The following GPR137C variants were observed in gnomAD, a reference collection of about 807,000 sequenced individuals.
The protein encoded by GPR137C is G protein-coupled receptor 137C, also known as integral membrane protein GPR137C.
A neutral mutation model predicts 43.4 loss-of-function variants in GPR137C; 27 were observed. The observed-to-expected ratio is 0.62, with a 90% confidence interval of 0.46 to 0.86. The LOEUF (loss-of-function observed/expected upper bound fraction) is 0.86, where lower values mean the gene tolerates loss of function less well. Ranked by LOEUF, GPR137C falls within the 40% of genes least tolerant of loss-of-function variation. The probability of loss-of-function intolerance (pLI) is 0.00; values close to 1 mark genes in which losing one functional copy is unlikely to be tolerated. For synonymous variants in GPR137C, 285 were observed against 226.9 expected (o/e 1.26, Z -2.30); for missense variants, 522 against 534.6 (o/e 0.98, Z 0.23).
chr14:52,630,640 A>G (rs1014390715), intron 3 of GPR137C, among the ~76,000 whole-genome samples: 4 of 152,010 alleles, frequency 2.6e-5, no homozygotes, highest in South Asian at 4.1e-4. Context: ...CTTTCTTTTC[A>G]TATACCTCTA....
chr14:52,577,558 A>T (rs956018673), intron 1 of GPR137C, among the ~76,000 whole-genome samples: 47 of 149,266 alleles, frequency 3.1e-4, no homozygotes, highest in African/African-American at 1.1e-3. Context: ...TGAAATGAAA[A>T]GTTGATTCTT....
Position 52,563,647 on chromosome 14 carries a change from A to C in GPR137C, c.444+10056A>C, listed in dbSNP as rs538557766. On this transcript the variant is annotated intron_variant, in intron 1 of 6. Transcript: ENST00000321662. Reference sequence around the variant, plus strand: ...TTACAGAGCAAGATCCCAACTCAAAAACACACACACACACAACTTGGTTCT... The same window carrying C: ...TTACAGAGCAAGATCCCAACTCAAACACACACACACACACAACTTGGTTCT... Among the ~76,000 whole-genome samples, 23 of 151,958 alleles carry C rather than the reference A, an allele frequency of 1.5e-4. No homozygotes were observed. In the South Asian group the frequency reaches 2.7e-3, roughly 18 times the overall value.
intron 1 of GPR137C, among the ~76,000 whole-genome samples, chr14:52,559,380 C>G (rs774367022): frequency 6.6e-6 from 1 of 150,766 alleles, no homozygotes; most frequent in Non-Finnish European, 1.5e-5. Context: ...GACTCCATCT[C>G]AAAAACAAAA....
intron 3 of GPR137C, among the ~76,000 whole-genome samples, chr14:52,602,266 A>C (rs919326933): frequency 6.6e-6 from 1 of 151,800 alleles, no homozygotes; most frequent in African/African-American, 2.4e-5. Flanking sequence ...TCAATCAACA[A>C]GTGTTTATTG....
intron 1 of GPR137C, among the ~76,000 whole-genome samples, chr14:52,597,598 C>T (rs1044861367): frequency 1.3e-5 from 2 of 152,178 alleles, no homozygotes; most frequent in African/African-American, 4.8e-5. Context: ...TGTATAAAAA[C>T]TTTCAATATC....
intron 1 of GPR137C, among the ~76,000 whole-genome samples, chr14:52,574,119 T>C (rs1291722239): frequency 2.0e-5 from 3 of 151,872 alleles, no homozygotes; most frequent in African/African-American, 7.2e-5. Flanking sequence ...ACACTGTTGG[T>C]GGGAGTGTAA....
intron 3 of GPR137C, among the ~76,000 whole-genome samples, chr14:52,614,717 T>A: frequency 6.6e-6 from 1 of 152,022 alleles, no homozygotes. Flanking sequence ...GAACTCTTGG[T>A]CTTAAGCTAT....
intron 3 of GPR137C, among the ~76,000 whole-genome samples, chr14:52,602,845 G>C (rs970576217): frequency 5.9e-5 from 9 of 151,968 alleles, no homozygotes; most frequent in Non-Finnish European, 1.3e-4. Context: ...GTCATATTTA[G>C]TTGTACATAT....
intron 2 of GPR137C, among the ~76,000 whole-genome samples, chr14:52,599,469 T>C (rs1594797496): frequency 6.6e-6 from 1 of 150,926 alleles, no homozygotes; most frequent in South Asian, 2.1e-4. Flanking sequence ...AGTCTCGCAG[T>C]CTCACCCAGG....
At chr14:52,559,385 A>G (rs2038244719) in intron 1 of GPR137C, among the ~76,000 whole-genome samples, 1 of 151,140 alleles carries the variant, frequency 6.6e-6, no homozygotes, top group South Asian at 2.1e-4. Context: ...CATCTCAAAA[A>G]CAAAAACAAA....
chr14:52,568,510 G>GTGGATCCCATTCCCA (rs1255776704), intron 1 of GPR137C, among the ~76,000 whole-genome samples: 4 of 152,140 alleles, frequency 2.6e-5, no homozygotes, highest in Non-Finnish European at 5.9e-5. Flanking sequence ...GTGTAGCTCA[G>GTGGATCCCATTCCCA]TGGATCCCAC....
At chr14:52,630,011 T>C (rs1000915922) in intron 3 of GPR137C, among the ~76,000 whole-genome samples, 10 of 152,206 alleles carry the variant, frequency 6.6e-5, no homozygotes, top group African/African-American at 2.2e-4. Flanking sequence ...TCTGACTCTA[T>C]TTTAGGAAGG....
At chr14:52,623,195 A>T (rs566425345) in intron 3 of GPR137C, among the ~76,000 whole-genome samples, 30 of 152,004 alleles carry the variant, frequency 2.0e-4, no homozygotes, top group Middle Eastern at 3.4e-3. Flanking sequence ...ACATTCATTC[A>T]TTTGTAAGAC....
intron 1 of GPR137C, among the ~76,000 whole-genome samples, chr14:52,591,708 G>A (rs2038787014): frequency 6.6e-6 from 1 of 152,076 alleles, no homozygotes; most frequent in Non-Finnish European, 1.5e-5. Flanking sequence ...TAAGTTCTTT[G>A]TAGATTCTGG....
chr14:52,568,340 C>T (rs149391219), intron 1 of GPR137C, among the ~76,000 whole-genome samples: 1,546 of 152,272 alleles, frequency 0.01, 26 homozygotes, highest in African/African-American at 0.035. Flanking sequence ...GTGCCAACAC[C>T]ACCAGGGCCC....
In GPR137C at chr14:52,621,624, C is replaced by A. The variant is rs369968134; in HGVS notation, c.718-10536C>A. ...TTCTCTGTGTATTATATATAACAACCATAGCATAAAGGAGAGGTTGTAAAT... is the reference window on the plus strand; with the variant it reads ...TTCTCTGTGTATTATATATAACAACAATAGCATAAAGGAGAGGTTGTAAAT... On this transcript the variant is annotated intron_variant, in intron 3 of 6. Coordinates refer to ENST00000321662, the MANE Select transcript of GPR137C (RefSeq NM_001099652.2). Among the ~76,000 whole-genome samples the A allele has an allele frequency of 1.9e-4, 29 of 151,662 alleles. No individual in the cohort carries two copies. The East Asian group carries it at 4.6e-3, about 24-fold the overall frequency.
intron 1 of GPR137C, among the ~76,000 whole-genome samples, chr14:52,597,554 G>A (rs937562593): frequency 6.6e-6 from 1 of 152,264 alleles, no homozygotes; most frequent in Admixed American, 6.5e-5. Context: ...GTACACTAAT[G>A]TCAGATTAGT....
At position 52,617,069 on chromosome 14, in the gene GPR137C, T is replaced by C. The variant is rs575028011; in HGVS notation, c.718-15091T>C. On this transcript the variant is annotated intron_variant, in intron 3 of 6. Coordinates refer to ENST00000321662, the MANE Select transcript of GPR137C (RefSeq NM_001099652.2). ...GTATTGGTTAAATCCTTCTTTCCTC[T>C]GGCTGCTATGTTCAGAGGCAAATAT... Among the ~76,000 whole-genome samples the C allele has an allele frequency of 2.0e-5, 3 of 152,346 alleles. No individual in the cohort carries two copies. The East Asian group carries it at 5.8e-4, about 29-fold the overall frequency.
chr14:52,564,454 C>G (rs921841314), intron 1 of GPR137C, among the ~76,000 whole-genome samples: 3 of 152,058 alleles, frequency 2.0e-5, no homozygotes, highest in African/African-American at 2.4e-5. Context: ...CCTCTACTTG[C>G]CATATTCCTT....
Sources: gnomAD v4.1 joint callset for allele counts (sites outside exome capture counted in the v4.1 genomes callset) on GRCh38, gnomAD v4.1.1 for gene constraint, MANE v1.5 for transcripts, NCBI Gene and HGNC (gene_info 2026-07-23, HGNC 2026-07-21) for gene names.